YWHAE: variants seen among roughly 807,000 people sequenced by gnomAD.
YWHAE encodes the protein tyrosine 3-monooxygenase/tryptophan 5-monooxygenase activation protein epsilon, also known as 14-3-3 protein epsilon.
Under a neutral mutation model 30.1 loss-of-function variants are expected in YWHAE, and 4 were observed. That is an observed-to-expected ratio of 0.13 (90% CI 0.07 to 0.30). YWHAE has a LOEUF of 0.30. YWHAE is among the 10% of genes least tolerant of loss of function. The pLI is 1.00. For missense variants in YWHAE, 121 were observed against 315.9 expected (o/e 0.38, Z 4.68); for synonymous variants, 118 against 111.8 (o/e 1.06, Z -0.35).
chr17:1,355,114 TTTAAAAAA>T (rs2072712565), intron 4 of YWHAE, among the ~76,000 whole-genome samples: 1 of 1,796 alleles, frequency 5.6e-4, no homozygotes, highest in Non-Finnish European at 1.5e-3. Flanking sequence ...CCCAAGATTT[TTTAAAAAA>T]AAAAAAAAAA....
intron 2 of YWHAE, among the ~76,000 whole-genome samples, chr17:1,363,491 C>G (rs908273432): frequency 6.6e-6 from 1 of 152,078 alleles, no homozygotes; most frequent in Non-Finnish European, 1.5e-5. Context: ...CTCTCGAACT[C>G]CTCACCTCAG....
At chr17:1,388,187 T>A (rs2073336145) in intron 1 of YWHAE, among the ~76,000 whole-genome samples, 1 of 132,222 alleles carries the variant, frequency 7.6e-6, no homozygotes. Flanking sequence ...TGTCTCGAAC[T>A]CCTGACCTCG....
At chr17:1,381,533 A>T (rs964727954) in intron 1 of YWHAE, among the ~76,000 whole-genome samples, 8 of 152,160 alleles carry the variant, frequency 5.3e-5, no homozygotes, top group Middle Eastern at 6.3e-3. Context: ...ACTCAAAAAA[A>T]TAAGTAAATA....
chr17:1,389,051 G>A (rs978260221), intron 1 of YWHAE, among the ~76,000 whole-genome samples: 1 of 151,578 alleles, frequency 6.6e-6, no homozygotes, highest in Non-Finnish European at 1.5e-5. Context: ...CTGCAGCCTC[G>A]ACCTCCCGGG....
chr17:1,390,273 T>C (rs2073370186), intron 1 of YWHAE, among the ~76,000 whole-genome samples: 1 of 152,184 alleles, frequency 6.6e-6, no homozygotes, highest in Admixed American at 6.5e-5. Context: ...CATGACAAAA[T>C]TATTATTTGG....
At chr17:1,367,124 C>T (rs1012870109) in intron 1 of YWHAE, among the ~76,000 whole-genome samples, 1 of 152,122 alleles carries the variant, frequency 6.6e-6, no homozygotes. Flanking sequence ...CCATATGACT[C>T]AGCAATCCCA....
intron 1 of YWHAE, among the ~76,000 whole-genome samples, chr17:1,394,501 G>A (rs961311450): frequency 1.2e-4 from 18 of 149,782 alleles, no homozygotes; most frequent in Non-Finnish European, 2.4e-4. Flanking sequence ...AGCTACTAGG[G>A]AAGCTGAGGC....
In YWHAE at chr17:1,354,363, T is replaced by G; in HGVS notation, c.579-16A>C. On this transcript the variant is annotated splice_polypyrimidine_tract_variant and intron_variant, in intron 4 of 5. Transcript: ENST00000264335. ...TTTTGCCAACCTAAAGGTATTTCAA[T>G]AGAAGTGTTATAAAAATTAAGTCCA... 6.2e-7 allele frequency: 1 copy of G among 1,605,700 alleles called. No homozygotes were observed. Among genetic ancestry groups the G allele is most frequent in the Non-Finnish European group, 8.5e-7 (1 of 1,177,250 alleles).
intron 1 of YWHAE, among the ~76,000 whole-genome samples, chr17:1,369,201 C>T (rs1484981621): frequency 6.6e-6 from 1 of 152,062 alleles, no homozygotes; most frequent in Non-Finnish European, 1.5e-5. Flanking sequence ...AACAATTCAC[C>T]CATTTAAAGT....
At chr17:1,353,480 C>G (rs1401622088) in intron 5 of YWHAE, among the ~76,000 whole-genome samples, 2 of 143,034 alleles carry the variant, frequency 1.4e-5, no homozygotes, top group East Asian at 4.1e-4. Flanking sequence ...AGAATAAAAA[C>G]AGCAGGGCGC....
chr17:1,391,886 T>C (rs1457413862), intron 1 of YWHAE, among the ~76,000 whole-genome samples: 1 of 152,116 alleles, frequency 6.6e-6, no homozygotes, highest in Non-Finnish European at 1.5e-5. Flanking sequence ...GAGTTCAACA[T>C]CAGCCTGGGC....
intron 1 of YWHAE, among the ~76,000 whole-genome samples, chr17:1,383,962 T>C (rs2073259082): frequency 1.3e-5 from 2 of 151,652 alleles, no homozygotes; most frequent in South Asian, 4.2e-4. Context: ...TTCAAGCACT[T>C]TGGGAGGCCG....
chr17:1,387,338 T>C (rs2073314366), intron 1 of YWHAE, among the ~76,000 whole-genome samples: 1 of 152,152 alleles, frequency 6.6e-6, no homozygotes, highest in Non-Finnish European at 1.5e-5. Flanking sequence ...CAGTGAAACC[T>C]GAGGTGGAAA....
chr17:1,361,375 T>A (rs2072862776), intron 3 of YWHAE, 77 bp from the exon 4 acceptor site: 1 of 1,224,206 alleles, frequency 8.2e-7, no homozygotes, highest in Non-Finnish European at 1.1e-6. Flanking sequence ...AAGCTAAAAT[T>A]GTTCTATATT....
At chr17:1,355,115 T>TAAAAAAAAAACAAAAA (rs2072712838) in intron 4 of YWHAE, among the ~76,000 whole-genome samples, 1 of 72,366 alleles carries the variant, frequency 1.4e-5, no homozygotes, top group Non-Finnish European at 2.5e-5. Context: ...CCAAGATTTT[T>TAAAAAAAAAACAAAAA]TAAAAAAAAA....
intron 5 of YWHAE, among the ~76,000 whole-genome samples, chr17:1,353,415 T>C (rs1254178225): frequency 2.7e-5 from 3 of 112,890 alleles, no homozygotes; most frequent in African/African-American, 1.1e-4. Flanking sequence ...TCCAGCCCGG[T>C]CAACAGAGCG....
chr17:1,350,554 GT>G (rs1160938106), intron 5 of YWHAE, among the ~76,000 whole-genome samples: 1 of 151,886 alleles, frequency 6.6e-6, no homozygotes, highest in African/African-American at 2.4e-5. Context: ...TGATTCTCCT[GT>G]CTCAGCCTCC....
intron 4 of YWHAE, among the ~76,000 whole-genome samples, chr17:1,354,656 CA>C (rs1293725070): frequency 6.6e-6 from 1 of 152,010 alleles, no homozygotes; most frequent in Non-Finnish European, 1.5e-5. Flanking sequence ...TCACTTATTT[CA>C]AAAAGTTTTG....
At chr17:1,375,625 G>A (rs12603472) in intron 1 of YWHAE, among the ~76,000 whole-genome samples, 150,276 of 152,304 alleles carry the variant, frequency 0.99, 74,143 homozygotes, top group East Asian at 1. Context: ...GATTAAAATC[G>A]CCACTCTGAA....
Sources: gnomAD v4.1 joint callset for allele counts (sites outside exome capture counted in the v4.1 genomes callset) on GRCh38, gnomAD v4.1.1 for gene constraint, MANE v1.5 for transcripts, NCBI Gene and HGNC (gene_info 2026-07-23, HGNC 2026-07-21) for gene names.